TMEM108: variants seen among roughly 807,000 people sequenced by gnomAD.
TMEM108 encodes the protein transmembrane protein 108, also known as cancer/testis antigen 124.
A neutral mutation model predicts 35.1 loss-of-function variants in TMEM108; 12 were observed. The ratio of observed to expected loss-of-function variants is 0.34; its 90% CI spans 0.22 to 0.55. The LOEUF (loss-of-function observed/expected upper bound fraction) is 0.55. TMEM108 is among the 20% of genes least tolerant of loss of function. TMEM108 has a pLI of 0.89. For synonymous variants in TMEM108, 287 were observed against 308.6 expected (o/e 0.93, Z 0.73); for missense variants, 680 against 753.3 (o/e 0.90, Z 1.14).
intron 3 of TMEM108, among the ~76,000 whole-genome samples, chr3:133,360,550 C>G (rs1008376105): frequency 6.6e-6 from 1 of 152,160 alleles, no homozygotes; most frequent in Non-Finnish European, 1.5e-5. Flanking sequence ...TGCATTTGTT[C>G]TTTGTCCAAG....
chr3:133,368,275 C>T (rs1267914707), intron 3 of TMEM108, among the ~76,000 whole-genome samples: 2 of 152,184 alleles, frequency 1.3e-5, no homozygotes, highest in African/African-American at 4.8e-5. Context: ...CTAACAAAAA[C>T]TCCTATTTGT....
At chr3:133,281,484 G>GT (rs113899824) in intron 3 of TMEM108, among the ~76,000 whole-genome samples, 23 of 152,332 alleles carry the variant, frequency 1.5e-4, no homozygotes, top group African/African-American at 5.5e-4. Context: ...AATTATAGCT[G>GT]TTAAGCATCT....
intron 3 of TMEM108, 66 bp from the exon 4 acceptor site, chr3:133,379,686 A>G (rs2072943398): frequency 2.0e-6 from 3 of 1,516,416 alleles, no homozygotes; most frequent in Non-Finnish European, 2.7e-6. Context: ...GGCCACAGGT[A>G]AGAAAGGCCC....
intron 2 of TMEM108, among the ~76,000 whole-genome samples, chr3:133,156,455 C>T (rs145291799): frequency 1.1e-4 from 16 of 152,214 alleles, no homozygotes; most frequent in African/African-American, 3.9e-4. Flanking sequence ...AAGATTTGTA[C>T]CACAATAGCC....
chr3:133,098,273 T>C (rs1204622851), intron 2 of TMEM108, among the ~76,000 whole-genome samples: 3 of 152,120 alleles, frequency 2.0e-5, no homozygotes, highest in Non-Finnish European at 4.4e-5. Flanking sequence ...ACCAATCAGA[T>C]CTTGTGAGAC....
intron 2 of TMEM108, among the ~76,000 whole-genome samples, chr3:133,129,681 T>G (rs566198676): frequency 6.6e-6 from 1 of 152,228 alleles, no homozygotes; most frequent in African/African-American, 2.4e-5. Context: ...ACTTGTTGAT[T>G]GTCTATTATA....
At chr3:133,057,146 A>G (rs1022114729) in intron 2 of TMEM108, among the ~76,000 whole-genome samples, 2 of 152,156 alleles carry the variant, frequency 1.3e-5, no homozygotes, top group Non-Finnish European at 2.9e-5. Flanking sequence ...GTCAGCTACA[A>G]GAGTGTCAGT....
chr3:133,274,111 A>G (rs1946808624), intron 3 of TMEM108, among the ~76,000 whole-genome samples: 1 of 152,212 alleles, frequency 6.6e-6, no homozygotes, highest in African/African-American at 2.4e-5. Flanking sequence ...TTGTATGAAC[A>G]CAGGTAATGC....
rs1211424518 is a variant in TMEM108, at chr3:133,212,869, AAAAAAAAAAAAGG to A, written c.-46-16384_-46-16372del. ...GTGACAGAGGGAGACTCTGTCTCAAAAAAAAAAAAAAGGAAAAAAAAAAAGAAAGAAAGAAGAG... is the reference window on the plus strand; with the variant it reads ...GTGACAGAGGGAGACTCTGTCTCAAAAAAAAAAAAAAGAAAGAAAGAAGAG... On this transcript the variant is annotated intron_variant, in intron 2 of 5. Transcript: ENST00000321871. Among the ~76,000 whole-genome samples the A allele has an allele frequency of 4.4e-3, 552 of 124,412 alleles. 2 individuals carry two copies. The highest frequency in any genetic ancestry group is 0.019 in the African/African-American group (508 of 27,282). The allele number at this position is 124,412 out of a possible 152,430, so 81.6% of individuals were successfully genotyped here.
At chr3:133,320,868 C>T (rs2071259264) in intron 3 of TMEM108, among the ~76,000 whole-genome samples, 1 of 152,142 alleles carries the variant, frequency 6.6e-6, no homozygotes, top group East Asian at 1.9e-4. Flanking sequence ...CTATCATTAA[C>T]CTCCTCAAAC....
chr3:133,068,438 A>G (rs1176525037), intron 2 of TMEM108, among the ~76,000 whole-genome samples: 1 of 152,150 alleles, frequency 6.6e-6, no homozygotes, highest in Admixed American at 6.5e-5. Flanking sequence ...GAGGGCAGGT[A>G]TGGCTGGAAG....
chr3:133,103,007 C>T (rs933575853), intron 2 of TMEM108, among the ~76,000 whole-genome samples: 3 of 152,102 alleles, frequency 2.0e-5, no homozygotes, highest in African/African-American at 2.4e-5. Context: ...ATTAGTTCAG[C>T]GATTGTGGAA....
chr3:133,099,769 A>T (rs1349822740), intron 2 of TMEM108, among the ~76,000 whole-genome samples: 1 of 152,148 alleles, frequency 6.6e-6, no homozygotes, highest in African/African-American at 2.4e-5. Flanking sequence ...CCTTGTCCTC[A>T]TCTGAGACCA....
chr3:133,209,729 C>A (rs901061910), intron 2 of TMEM108, among the ~76,000 whole-genome samples: 1 of 152,130 alleles, frequency 6.6e-6, no homozygotes, highest in Non-Finnish European at 1.5e-5. Context: ...ACTGTTTTCT[C>A]TCAGTCTATC....
chr3:133,318,739 G>T (rs1166985984), intron 3 of TMEM108, among the ~76,000 whole-genome samples: 1 of 152,124 alleles, frequency 6.6e-6, no homozygotes. Context: ...AAGAGGGGGA[G>T]TTCTGGGAAG....
chr3:133,108,161 G>A (rs1309650699), intron 2 of TMEM108, among the ~76,000 whole-genome samples: 7 of 152,100 alleles, frequency 4.6e-5, no homozygotes. Context: ...AACTCGGGAG[G>A]CGGAGGTTGC....
intron 2 of TMEM108, among the ~76,000 whole-genome samples, chr3:133,167,419 G>A (rs181589832): frequency 2.0e-5 from 3 of 152,386 alleles, no homozygotes; most frequent in Admixed American, 6.5e-5. Flanking sequence ...GCCCTTGGGC[G>A]GTCCATGGGA....
intron 2 of TMEM108, among the ~76,000 whole-genome samples, chr3:133,165,311 G>A (rs575058100): frequency 2.0e-5 from 3 of 152,320 alleles, no homozygotes; most frequent in African/African-American, 4.8e-5. Context: ...CAGCTCTTGA[G>A]ATCCTCCTGA....
At chr3:133,124,356 C>G (rs946910990) in intron 2 of TMEM108, among the ~76,000 whole-genome samples, 2 of 152,168 alleles carry the variant, frequency 1.3e-5, no homozygotes, top group African/African-American at 4.8e-5. Flanking sequence ...GTGGAGGCAG[C>G]TATTGATAAT....
Sources: gnomAD v4.1 joint callset for allele counts (sites outside exome capture counted in the v4.1 genomes callset) on GRCh38, gnomAD v4.1.1 for gene constraint, MANE v1.5 for transcripts, NCBI Gene and HGNC (gene_info 2026-07-23, HGNC 2026-07-21) for gene names.